KSR2: variants seen among roughly 807,000 people sequenced by gnomAD.
The protein encoded by KSR2 is kinase suppressor of ras 2.
Under a neutral mutation model 107.8 loss-of-function variants are expected in KSR2, and 25 were observed. The observed-to-expected ratio is 0.23, with a 90% CI of 0.17 to 0.32. KSR2 has a LOEUF of 0.32. Among genes scored for constraint, KSR2 ranks in the 10% least tolerant of loss-of-function variants. KSR2 has a pLI of 1.00. For synonymous variants in KSR2, 480 were observed against 507.0 expected (o/e 0.95, Z 0.71); for missense variants, 887 against 1,268.9 (o/e 0.70, Z 4.57).
intron 5 of KSR2, among the ~76,000 whole-genome samples, chr12:117,632,847 T>C (rs987145781): frequency 6.6e-6 from 1 of 152,312 alleles, no homozygotes; most frequent in Admixed American, 6.5e-5. Context: ...GCTCCAACCA[T>C]GTTGCTGCAA....
rs902073216 is a variant in KSR2 at position 117,461,425 on chromosome 12, C to G, written c.*5774G>C. ...AGGGTCTTACTCTTACCCAGCAAAC[C>G]TCTCTGTCTGCATTCTGTAAACATT... On this transcript the variant is annotated 3_prime_UTR_variant, in exon 20 of 20. Transcript: ENST00000339824. The G allele has an allele frequency of 6.6e-6, 1 of 152,264 alleles. No individual in the cohort carries two copies. The highest frequency in any genetic ancestry group is 2.4e-5 in the African/African-American group (1 of 41,458). The allele number at this position is 152,264 out of a possible 1,614,324, so 9.4% of individuals were successfully genotyped here. A position where few individuals can be genotyped will look rare whatever the true frequency, so the allele number is the denominator to read the frequency against.
In KSR2 at chr12:117,740,641, ATATAT is replaced by A. The variant is rs943696521; in HGVS notation, c.986+20365_986+20369del. 8.5e-5 allele frequency among the ~76,000 whole-genome samples: 11 copies of A among 129,914 alleles called. 1 individual carries two copies. The highest frequency in any genetic ancestry group is 1.8e-4 in the Admixed American group (2 of 10,962). 85.2% of individuals were successfully genotyped at this position (129,914 alleles called of 152,430 possible). A position where few individuals can be genotyped will look rare whatever the true frequency, so the allele number is the denominator to read the frequency against. ...CATATATTATATATGTAATATATAC[ATATAT>A]TATATATGTAATATATAATATATAT... On this transcript the variant is annotated intron_variant, in intron 4 of 19. Transcript: ENST00000339824.
intron 5 of KSR2, among the ~76,000 whole-genome samples, chr12:117,637,680 T>A (rs917868121): frequency 0.016 from 1,382 of 86,698 alleles, 20 homozygotes; most frequent in African/African-American, 0.033. Flanking sequence ...TTTGGGTTTT[T>A]TTTTTTTTTT....
intron 5 of KSR2, among the ~76,000 whole-genome samples, chr12:117,665,873 T>C (rs1414689950): frequency 1.3e-5 from 2 of 152,206 alleles, no homozygotes; most frequent in Non-Finnish European, 2.9e-5. Context: ...AGGCATCTGC[T>C]CCTGGTCGTG....
chr12:117,695,390 T>C (rs1002192275), intron 4 of KSR2, among the ~76,000 whole-genome samples: 5 of 152,160 alleles, frequency 3.3e-5, no homozygotes, highest in Non-Finnish European at 7.4e-5. Context: ...TGTTCTGTTA[T>C]GTATATTTTG....
Position 117,527,073 on chromosome 12 carries a change from C to G in KSR2, c.1849G>C (p.Glu617Gln). 1.9e-6 allele frequency: 3 copies of G among 1,613,724 alleles called. No homozygotes were observed. The highest frequency in any genetic ancestry group is 2.5e-6 in the Non-Finnish European group (3 of 1,179,676). Residue 617 changes from glutamate (E) to glutamine (Q), a missense_variant and splice_region_variant, in exon 13 of 20, where the codon GAG (glutamate) becomes CAG (glutamine). Transcript: ENST00000339824. ...CTTCACTGCTCTCTGATTCTCACCTCCGACGTTGGCTCCACTTCAATTTGA... is the reference window on the plus strand; with the variant it reads ...CTTCACTGCTCTCTGATTCTCACCTGCGACGTTGGCTCCACTTCAATTTGA... ...LLQIEVEPTS[E>Q]NEEVHDEAEE... is the part of the protein sequence containing the mutation.
At chr12:117,589,296 C>T (rs576996610) in intron 5 of KSR2, among the ~76,000 whole-genome samples, 50 of 152,336 alleles carry the variant, frequency 3.3e-4, no homozygotes, top group Non-Finnish European at 6.2e-4. Context: ...CCTCTGAGCA[C>T]ATAATATTAT....
At chr12:117,577,026 T>A (rs1331270858) in intron 7 of KSR2, among the ~76,000 whole-genome samples, 1 of 152,082 alleles carries the variant, frequency 6.6e-6, no homozygotes, top group Non-Finnish European at 1.5e-5. Context: ...CTCAACCTTA[T>A]CATTACTCAG....
chr12:117,935,148 T>A (rs1329272357), intron 1 of KSR2, among the ~76,000 whole-genome samples: 1 of 150,262 alleles, frequency 6.7e-6, no homozygotes, highest in East Asian at 2.0e-4. Context: ...TCTTCTTTTT[T>A]CACACAGGGT....
At chr12:117,909,038 C>T (rs2137421431) in intron 1 of KSR2, among the ~76,000 whole-genome samples, 1 of 152,272 alleles carries the variant, frequency 6.6e-6, no homozygotes, top group East Asian at 1.9e-4. Context: ...AGTTCCACCA[C>T]CAAGACTCAA....
intron 5 of KSR2, among the ~76,000 whole-genome samples, chr12:117,659,596 G>C (rs1021968715): frequency 6.6e-6 from 1 of 152,172 alleles, no homozygotes; most frequent in Non-Finnish European, 1.5e-5. Context: ...ATAATGGAGA[G>C]AGCCATTGGT....
intron 3 of KSR2, among the ~76,000 whole-genome samples, chr12:117,778,430 A>G (rs912179605): frequency 6.6e-6 from 1 of 152,202 alleles, no homozygotes; most frequent in Non-Finnish European, 1.5e-5. Flanking sequence ...AGCTGCCATG[A>G]TGGATAACAG....
At chr12:117,502,047 A>G (rs1477712255) in intron 14 of KSR2, among the ~76,000 whole-genome samples, 1 of 152,224 alleles carries the variant, frequency 6.6e-6, no homozygotes, top group Non-Finnish European at 1.5e-5. Context: ...CACTGTCACC[A>G]CACAAGGAAT....
intron 3 of KSR2, among the ~76,000 whole-genome samples, chr12:117,848,843 GAT>G (rs1295429020): frequency 7.3e-6 from 1 of 137,314 alleles, no homozygotes; most frequent in Non-Finnish European, 1.6e-5. Flanking sequence ...TAGTGGTGGT[GAT>G]GGTGATGATG....
chr12:117,719,481 C>T (rs899792343), intron 4 of KSR2, among the ~76,000 whole-genome samples: 1 of 152,160 alleles, frequency 6.6e-6, no homozygotes, highest in Admixed American at 6.5e-5. Flanking sequence ...TAGGTGTAAG[C>T]CACAGCACCT....
At chr12:117,569,987 T>C (rs981739338) in intron 7 of KSR2, among the ~76,000 whole-genome samples, 8 of 151,788 alleles carry the variant, frequency 5.3e-5, no homozygotes, top group East Asian at 3.9e-4. Context: ...CAGGGAACAT[T>C]TGGCAATGTC....
In KSR2 at chr12:117,842,024, A is replaced by AG. The variant is rs200683591; in HGVS notation, c.472+13403_472+13404insC. Among the ~76,000 whole-genome samples, 2,554 of 152,304 alleles carry AG rather than the reference A, an allele frequency of 0.017. 39 individuals are homozygous for AG. Among genetic ancestry groups the AG allele is most frequent in the Non-Finnish European group, 0.024 (1,666 of 68,038 alleles). The stretch of plus-strand genomic sequence containing the variant: ...CTGAGCCAGATGCAGGGAGAATTCC[A>AG]ACACAGGGGTTCTCAAAGCGTGTTC... On this transcript the variant is annotated intron_variant, in intron 3 of 19. Transcript: ENST00000339824. This position sits in a 1 kb window ranked among gnomAD's most constrained non-coding sequence, Gnocchi z 4.2.
chr12:117,827,634 G>A (rs967192696), intron 3 of KSR2, among the ~76,000 whole-genome samples: 3 of 152,220 alleles, frequency 2.0e-5, no homozygotes, highest in African/African-American at 7.2e-5. Flanking sequence ...GATGTTGGCT[G>A]CTGCTATTGA....
At chr12:117,837,349 T>C (rs965267598) in intron 3 of KSR2, among the ~76,000 whole-genome samples, 21 of 152,330 alleles carry the variant, frequency 1.4e-4, no homozygotes, top group Admixed American at 1.4e-3. Flanking sequence ...TACATTACTA[T>C]GCATCTTGTG....
Sources: gnomAD v4.1 joint callset for allele counts (sites outside exome capture counted in the v4.1 genomes callset) on GRCh38, gnomAD v4.1.1 for gene constraint, Gnocchi (gnomAD v3.1) non-coding constraint, MANE v1.5 for transcripts, NCBI Gene and HGNC (gene_info 2026-07-23, HGNC 2026-07-21) for gene names.